The following ANGPT1 variants were observed in gnomAD, a reference collection of about 807,000 sequenced individuals.
The protein encoded by ANGPT1 is angiopoietin-1.
In ANGPT1, 17 loss-of-function variants were observed where a neutral mutation model predicts 62.2. That is an observed-to-expected ratio of 0.27 (90% CI 0.19 to 0.41). The LOEUF (loss-of-function observed/expected upper bound fraction) is 0.41. Ranked by LOEUF, ANGPT1 falls within the 10% of genes least tolerant of loss-of-function variation. ANGPT1 has a pLI of 1.00. For missense variants in ANGPT1, 478 were observed against 594.9 expected, an observed-to-expected ratio of 0.80 and a Z score of 2.04; for synonymous variants, 199 against 198.9, an observed-to-expected ratio of 1.00 and a Z score of 0.00.
chr8:107,338,318 AT>A (rs1815618545), intron 2 of ANGPT1, among the ~76,000 whole-genome samples: 1 of 152,312 alleles, frequency 6.6e-6, no homozygotes, highest in East Asian at 1.9e-4. Context: ...AAATTTTACA[AT>A]TAATTCAAGA....
At chr8:107,478,008 G>C (rs987445568) in intron 1 of ANGPT1, among the ~76,000 whole-genome samples, 1 of 149,472 alleles carries the variant, frequency 6.7e-6, no homozygotes, top group African/African-American at 2.4e-5. Flanking sequence ...AAGCTGCTTC[G>C]GTAGTAAAAA....
intron 1 of ANGPT1, among the ~76,000 whole-genome samples, chr8:107,471,630 T>A (rs1812360943): frequency 6.6e-6 from 1 of 152,106 alleles, no homozygotes; most frequent in Non-Finnish European, 1.5e-5. Flanking sequence ...CATATTTCAG[T>A]ATGATTTTAA....
chr8:107,281,495 T>G (rs1187024951), intron 7 of ANGPT1, among the ~76,000 whole-genome samples: 1 of 152,172 alleles, frequency 6.6e-6, no homozygotes, highest in African/African-American at 2.4e-5. Context: ...TAAATGTGTC[T>G]AGGCCCAGAG....
chr8:107,333,949 AAAG>A (rs1347776123), intron 3 of ANGPT1, among the ~76,000 whole-genome samples: 6 of 128,948 alleles, frequency 4.7e-5, no homozygotes, highest in Non-Finnish European at 6.9e-5. Context: ...AAAGAAAAAG[AAAG>A]AAAGAAAAGA....
intron 1 of ANGPT1, among the ~76,000 whole-genome samples, chr8:107,433,483 T>G (rs1055593410): frequency 6.6e-6 from 1 of 152,208 alleles, no homozygotes; most frequent in Non-Finnish European, 1.5e-5. Flanking sequence ...GAGTAAAGTA[T>G]TAAAAGCAAA....
intron 1 of ANGPT1, among the ~76,000 whole-genome samples, chr8:107,425,430 A>G (rs1811014613): frequency 6.6e-6 from 1 of 152,208 alleles, no homozygotes; most frequent in Admixed American, 6.5e-5. Flanking sequence ...CTTTAATAAA[A>G]CCCATAGCTT....
At chr8:107,438,007 C>A (rs931353366) in intron 1 of ANGPT1, among the ~76,000 whole-genome samples, 1 of 152,116 alleles carries the variant, frequency 6.6e-6, no homozygotes. Flanking sequence ...CACACTCTGG[C>A]GTGGAGAAAA....
intron 1 of ANGPT1, among the ~76,000 whole-genome samples, chr8:107,440,800 A>G (rs750741872): frequency 1.2e-4 from 19 of 152,340 alleles, no homozygotes; most frequent in South Asian, 6.2e-4. Context: ...TAGGTAATAT[A>G]GAATATTTTC....
At chr8:107,276,104 C>CT (rs1183264134) in intron 7 of ANGPT1, among the ~76,000 whole-genome samples, 1 of 152,042 alleles carries the variant, frequency 6.6e-6, no homozygotes, top group Non-Finnish European at 1.5e-5. Context: ...CCCAGGAAGC[C>CT]TTTTTTGTCT....
At chr8:107,424,995 C>A (rs950674660) in intron 1 of ANGPT1, among the ~76,000 whole-genome samples, 1 of 152,174 alleles carries the variant, frequency 6.6e-6, no homozygotes, top group Non-Finnish European at 1.5e-5. Flanking sequence ...CTGCCTCAGC[C>A]TCCTGGGTAG....
intron 1 of ANGPT1, chr8:107,494,452 A>G (rs1813042407): frequency 6.6e-6 from 1 of 152,176 alleles, no homozygotes; most frequent in Admixed American, 6.5e-5. Flanking sequence ...TACAGAAGAG[A>G]TCAAACCAGA....
chr8:107,319,188 TG>T (rs1815094171), intron 4 of ANGPT1, among the ~76,000 whole-genome samples: 1 of 152,198 alleles, frequency 6.6e-6, no homozygotes, highest in South Asian at 2.1e-4. Flanking sequence ...CTTTCCCTAT[TG>T]TGGTGAAATA....
chr8:107,290,016 T>C (rs1304589501), intron 6 of ANGPT1, among the ~76,000 whole-genome samples: 2 of 152,088 alleles, frequency 1.3e-5, no homozygotes, highest in African/African-American at 2.4e-5. Context: ...CAGACAAACA[T>C]CTTTACAAAT....
intron 1 of ANGPT1, among the ~76,000 whole-genome samples, chr8:107,449,400 GCA>G (rs10537811): frequency 0.21 from 31,570 of 147,986 alleles, 3,678 homozygotes; most frequent in East Asian, 0.49. Context: ...ACACACACAT[GCA>G]CACACACACA....
At chr8:107,340,631 C>A (rs921335092) in intron 2 of ANGPT1, among the ~76,000 whole-genome samples, 1 of 151,592 alleles carries the variant, frequency 6.6e-6, no homozygotes, top group Non-Finnish European at 1.5e-5. Context: ...CTCTTGGGCT[C>A]CGGTGAGGTG....
chr8:107,412,466 G>GA (rs1005058067), intron 1 of ANGPT1, among the ~76,000 whole-genome samples: 40 of 143,306 alleles, frequency 2.8e-4, no homozygotes, highest in Admixed American at 8.3e-4. Flanking sequence ...AATTCCTCAG[G>GA]AAAAAAAAAC....
chr8:107,486,734 A>G (rs1224507862), intron 1 of ANGPT1, among the ~76,000 whole-genome samples: 1 of 152,126 alleles, frequency 6.6e-6, no homozygotes, highest in Non-Finnish European at 1.5e-5. Flanking sequence ...TGCTATCAGC[A>G]TTCAAATCCA....
rs148984299 is a variant in ANGPT1 at position 107,355,003 on chromosome 8, C to T, written c.298-7906G>A. Among the ~76,000 whole-genome samples, 174 of 151,452 alleles carry T rather than the reference C, an allele frequency of 1.1e-3. 1 individual carries two copies. The highest frequency in any genetic ancestry group is 3.4e-3 in the Middle Eastern group (1 of 294). On this transcript the variant is annotated intron_variant, in intron 1 of 8. Coordinates refer to ENST00000517746, the MANE Select transcript of ANGPT1 (RefSeq NM_001146.5). ...TCAGCTCGCTGCAACCTTCGCCTCT[C>T]GGGTTCAAGTGGTTTCCTGCCTCGG... is the stretch of plus-strand genomic sequence containing the variant.
At chr8:107,392,491 A>G (rs545204640) in intron 1 of ANGPT1, among the ~76,000 whole-genome samples, 1 of 152,166 alleles carries the variant, frequency 6.6e-6, no homozygotes, top group Non-Finnish European at 1.5e-5. Context: ...AGATTTACTG[A>G]GATCATGATG....
Sources: allele counts gnomAD v4.1 joint callset (sites outside exome capture counted in the v4.1 genomes callset), GRCh38; gene constraint gnomAD v4.1.1; transcripts MANE v1.5; gene names NCBI Gene and HGNC (gene_info 2026-07-23, HGNC 2026-07-21).